Variants in GREM1 observed in about 807,000 individuals in gnomAD.
GREM1 encodes the protein gremlin 1, DAN family BMP antagonist.
GREM1 carries 6 observed loss-of-function variants against 13.1 expected under a neutral mutation model. The observed-to-expected ratio is 0.46, with a 90% CI of 0.25 to 0.91. GREM1 has a LOEUF of 0.91. Ranked by LOEUF, GREM1 falls within the 40% of genes least tolerant of loss-of-function variation. The pLI, the probability that GREM1 is intolerant of heterozygous loss-of-function variation, is 0.18. For missense variants in GREM1, 185 were observed against 233.9 expected (o/e 0.79, Z 1.36); for synonymous variants, 98 against 93.7 (o/e 1.05, Z -0.27).
rs1173336721 is a variant in GREM1 at position 32,734,816 on chromosome 15, C to T, written c.*3571C>T. 1.1e-5 allele frequency: 2 copies of T among 183,422 alleles called. No homozygotes were observed. Among genetic ancestry groups the T allele is most frequent in the South Asian group, 2.0e-4 (1 of 5,074 alleles). The allele number at this position is 183,422 out of a possible 1,614,324, so 11.4% of individuals were successfully genotyped here. ...ATTCCTTTTGCCTAGGCCTTTCAGA[C>T]CCTGCTTGATTTCCGTAGGACACTT... On this transcript the variant is annotated 3_prime_UTR_variant, in exon 2 of 2. Coordinates refer to ENST00000651154, the MANE Select transcript of GREM1 (RefSeq NM_013372.7).
rs748278261 is a variant in GREM1 at position 32,731,276 on chromosome 15, G to A, written c.*31G>A. The A allele has an allele frequency of 2.6e-6, 4 of 1,564,024 alleles. No homozygotes were observed. Among genetic ancestry groups the A allele is most frequent in the Non-Finnish European group, 3.5e-6 (4 of 1,142,182 alleles). On this transcript the variant is annotated 3_prime_UTR_variant, in exon 2 of 2. Coordinates refer to ENST00000651154, the MANE Select transcript of GREM1 (RefSeq NM_013372.7). ...ATCCAGGTGCACCCAGCATGTCCTA[G>A]GAATGCAGCCCCAGGAAGTCCCAGA...
At chr15:32,718,898 A>G in intron 1 of GREM1, 1 of 198,216 alleles carries the variant, frequency 5.0e-6, no homozygotes, top group Non-Finnish European at 1.0e-5. Flanking sequence ...TCTCTACTCC[A>G]GCCTCTTCCC....
Position 32,743,105 on chromosome 15 carries a change from G to A in GREM1, c.*11860G>A, listed in dbSNP as rs1270620853. On this transcript the variant is annotated 3_prime_UTR_variant, in exon 2 of 2. Coordinates refer to ENST00000651154, the MANE Select transcript of GREM1 (RefSeq NM_013372.7). ...GAACAGAAGACACGGGGTGACATGA[G>A]ACCACTTTGGCAAATCAGAATGCTC... is the stretch of plus-strand genomic sequence containing the variant. 6.6e-6 allele frequency: 1 copy of A among 152,220 alleles called. No individual in the cohort carries two copies. The highest frequency in any genetic ancestry group is 1.5e-5 in the Non-Finnish European group (1 of 68,046). The allele number at this position is 152,220 out of a possible 1,614,324, so 9.4% of individuals were successfully genotyped here.
chr15:32,736,217 G>A lies in GREM1; in HGVS notation c.*4972G>A, dbSNP rs184443094. ...TTGACCTGACTGGAAGCTTCCCAGGGTAAAAAACTTTGTCAAAACAACTAG... is the reference window on the plus strand; with the variant it reads ...TTGACCTGACTGGAAGCTTCCCAGGATAAAAAACTTTGTCAAAACAACTAG... On this transcript the variant is annotated 3_prime_UTR_variant, in exon 2 of 2. Transcript: ENST00000651154. 6.6e-6 allele frequency: 1 copy of A among 152,164 alleles called. No individual in the cohort carries two copies. Among genetic ancestry groups the A allele is most frequent in the Non-Finnish European group, 1.5e-5 (1 of 68,038 alleles). 9.4% of individuals were successfully genotyped at this position (152,164 alleles called of 1,614,324 possible).
At position 32,742,569 on chromosome 15, in the gene GREM1, C is replaced by T. The variant is rs2055771339; in HGVS notation, c.*11324C>T. 1 of 152,110 alleles carries T rather than the reference C, an allele frequency of 6.6e-6. No homozygotes were observed. Among genetic ancestry groups the T allele is most frequent in the Non-Finnish European group, 1.5e-5 (1 of 68,008 alleles). 9.4% of individuals were successfully genotyped at this position (152,110 alleles called of 1,614,324 possible). On this transcript the variant is annotated 3_prime_UTR_variant, in exon 2 of 2. Coordinates refer to ENST00000651154, the MANE Select transcript of GREM1 (RefSeq NM_013372.7). The stretch of plus-strand genomic sequence containing the variant: ...CACAAAAGACAATGAATAAACAAAT[C>T]AATCTTGAAAAAGAAGAACAAAGCT...
In GREM1 at chr15:32,744,674, C is replaced by T. The variant is rs2055791187; in HGVS notation, c.*13429C>T. On this transcript the variant is annotated 3_prime_UTR_variant, in exon 2 of 2. Coordinates refer to ENST00000651154, the MANE Select transcript of GREM1 (RefSeq NM_013372.7). ...TTAACTCAAGCAAAACAATGTTACT[C>T]TCTTTGTACATTGTACAGATGCAGG... 6.6e-6 allele frequency: 1 copy of T among 151,670 alleles called. No homozygotes were observed. Among genetic ancestry groups the T allele is most frequent in the South Asian group, 2.1e-4 (1 of 4,804 alleles). The allele number at this position is 151,670 out of a possible 1,614,324, so 9.4% of individuals were successfully genotyped here.
In GREM1 at chr15:32,734,538, T is replaced by C. The variant is rs575370459; in HGVS notation, c.*3293T>C. ...GCTGTGTAGGAGGATGAAAGGGGAG[T>C]TGATAGTCTCATAAAACTAATTTGG... On this transcript the variant is annotated 3_prime_UTR_variant, in exon 2 of 2. Coordinates refer to ENST00000651154, the MANE Select transcript of GREM1 (RefSeq NM_013372.7). 6 of 247,102 alleles carry C rather than the reference T, an allele frequency of 2.4e-5. No homozygotes were observed. In the East Asian group the frequency reaches 3.7e-4, roughly 15 times the overall value. The allele number at this position is 247,102 out of a possible 1,614,324, so 15.3% of individuals were successfully genotyped here. A position where few individuals can be genotyped will look rare whatever the true frequency, so the allele number is the denominator to read the frequency against.
chr15:32,726,355 A>C (rs1263185323), intron 1 of GREM1, among the ~76,000 whole-genome samples: 1 of 152,156 alleles, frequency 6.6e-6, no homozygotes, highest in Non-Finnish European at 1.5e-5. Flanking sequence ...TGAAAACCAC[A>C]CAACTGCATG....
chr15:32,719,505 G>A (rs1020705704), intron 1 of GREM1, among the ~76,000 whole-genome samples: 7 of 151,742 alleles, frequency 4.6e-5, no homozygotes, highest in African/African-American at 1.7e-4. Flanking sequence ...GGCTCTTATA[G>A]ACAGAAATAC....
intron 1 of GREM1, among the ~76,000 whole-genome samples, chr15:32,725,064 T>A (rs1288124550): frequency 6.6e-6 from 1 of 152,150 alleles, no homozygotes; most frequent in African/African-American, 2.4e-5. Context: ...TGGCTCCAAG[T>A]CTTTGCTATT....
In GREM1 at chr15:32,738,830, GTGTGGTAACATGCACC is replaced by G. The variant is rs1284373519; in HGVS notation, c.*7589_*7604del. 1 of 152,166 alleles carries G rather than the reference GTGTGGTAACATGCACC, an allele frequency of 6.6e-6. No homozygotes were observed. 9.4% of individuals were successfully genotyped at this position (152,166 alleles called of 1,614,324 possible). ...AAAAATTTAAAAAGGAATTAGCCAG[GTGTGGTAACATGCACC>G]TGTTGTCCCAGCTACTTAGGAGGCT... On this transcript the variant is annotated 3_prime_UTR_variant, in exon 2 of 2. Transcript: ENST00000651154.
chr15:32,729,234 C>T (rs1400880196), intron 1 of GREM1, among the ~76,000 whole-genome samples: 2 of 151,998 alleles, frequency 1.3e-5, no homozygotes, highest in Non-Finnish European at 2.9e-5. Flanking sequence ...CCGTGTTAGC[C>T]AGGATGGTCT....
rs371256550 is a variant in GREM1 at position 32,744,572 on chromosome 15, CAAAAAAAAAAAA to C, written c.*13334_*13345del. 1 of 86,192 alleles carries C rather than the reference CAAAAAAAAAAAA, an allele frequency of 1.2e-5. No individual in the cohort carries two copies. 5.3% of individuals were successfully genotyped at this position (86,192 alleles called of 1,614,324 possible). A position where few individuals can be genotyped will look rare whatever the true frequency, so the allele number is the denominator to read the frequency against. The stretch of plus-strand genomic sequence containing the variant: ...TGGGCGACAGAGTGAGACTCAGCTT[CAAAAAAAAAAAA>C]AAAAAAGAAAGTTTCAGATATTATT... On this transcript the variant is annotated 3_prime_UTR_variant, in exon 2 of 2. Coordinates refer to ENST00000651154, the MANE Select transcript of GREM1 (RefSeq NM_013372.7).
intron 1 of GREM1, among the ~76,000 whole-genome samples, chr15:32,724,136 A>G (rs1048067581): frequency 1.3e-5 from 2 of 152,262 alleles, no homozygotes; most frequent in Admixed American, 6.5e-5. Context: ...CTAGATATTT[A>G]CTCAATAACA....
chr15:32,743,953 C>CT lies in GREM1; in HGVS notation c.*12709dup, dbSNP rs2055783549. 4 of 152,168 alleles carry CT rather than the reference C, an allele frequency of 2.6e-5. No individual in the cohort carries two copies. The highest frequency in any genetic ancestry group is 9.7e-5 in the African/African-American group (4 of 41,422). The allele number at this position is 152,168 out of a possible 1,614,324, so 9.4% of individuals were successfully genotyped here. ...TTCACGACTTAGTAACTGGCTTCCT[C>CT]TAGAGTGACTAATCCAAGAGACAGC... On this transcript the variant is annotated 3_prime_UTR_variant, in exon 2 of 2. Transcript: ENST00000651154.
chr15:32,726,723 T>C (rs2055513282), intron 1 of GREM1, among the ~76,000 whole-genome samples: 2 of 147,936 alleles, frequency 1.4e-5, no homozygotes, highest in African/African-American at 5.0e-5. Flanking sequence ...TTTTTTTTTT[T>C]TTTGAAAAGA....
chr15:32,718,716 T>TG (rs1300186693), intron 1 of GREM1: 4 of 349,012 alleles, frequency 1.1e-5, no homozygotes, highest in Admixed American at 3.8e-5. Flanking sequence ...AGATGGAGAC[T>TG]GGCAAGGGCA....
At chr15:32,724,396 G>A (rs948293446) in intron 1 of GREM1, among the ~76,000 whole-genome samples, 2 of 152,232 alleles carry the variant, frequency 1.3e-5, no homozygotes, top group African/African-American at 4.8e-5. Flanking sequence ...GGAAGACTGG[G>A]GCATAGGCCT....
At position 32,745,029 on chromosome 15, in the gene GREM1, G is replaced by A. The variant is rs1033937232; in HGVS notation, c.*13784G>A. On this transcript the variant is annotated 3_prime_UTR_variant, in exon 2 of 2. Transcript: ENST00000651154. ...GGTTCTCATTAATTTTGAGAGAAAG[G>A]CAAGATAGATATTTAAATGACCCCT... 5 of 152,128 alleles carry A rather than the reference G, an allele frequency of 3.3e-5. No individual in the cohort carries two copies. The highest frequency in any genetic ancestry group is 7.4e-5 in the Non-Finnish European group (5 of 68,020). 9.4% of individuals were successfully genotyped at this position (152,128 alleles called of 1,614,324 possible). A position where few individuals can be genotyped will look rare whatever the true frequency, so the allele number is the denominator to read the frequency against.
Sources: gnomAD v4.1 joint callset for allele counts (sites outside exome capture counted in the v4.1 genomes callset) on GRCh38, gnomAD v4.1.1 for gene constraint, MANE v1.5 for transcripts, NCBI Gene and HGNC (gene_info 2026-07-23, HGNC 2026-07-21) for gene names.